The following SGCZ variants were observed in gnomAD, a reference collection of about 807,000 sequenced individuals.
SGCZ encodes sarcoglycan zeta, also known as zeta-sarcoglycan.
A neutral mutation model predicts 41.3 loss-of-function variants in SGCZ; 40 were observed. That is an observed-to-expected ratio of 0.97 (90% CI 0.75 to 1.26). SGCZ has a LOEUF of 1.26. Among genes scored for constraint, SGCZ ranks in the 50% most tolerant of loss-of-function variants. The pLI, the probability that SGCZ is intolerant of heterozygous loss-of-function variation, is 0.00. For synonymous variants in SGCZ, 206 were observed against 137.5 expected (o/e 1.50, Z -3.49); for missense variants, 552 against 369.8 (o/e 1.49, Z -4.04).
intron 1 of SGCZ, among the ~76,000 whole-genome samples, chr8:15,129,214 T>G (rs1440083507): frequency 6.6e-6 from 1 of 152,098 alleles, no homozygotes; most frequent in African/African-American, 2.4e-5. Context: ...TTGCCGGGAG[T>G]AGTTTTTGTC....
intron 5 of SGCZ, among the ~76,000 whole-genome samples, chr8:14,136,085 A>C (rs578152041): frequency 1.3e-5 from 2 of 152,222 alleles, no homozygotes; most frequent in Non-Finnish European, 2.9e-5. Context: ...TCAACAAACT[A>C]TTAGCAAATA....
At chr8:14,454,046 G>T (rs1168029717) in intron 2 of SGCZ, among the ~76,000 whole-genome samples, 4 of 152,092 alleles carry the variant, frequency 2.6e-5, no homozygotes, top group Admixed American at 2.6e-4. Context: ...TACCCCAAAA[G>T]GATATTGACC....
chr8:14,699,835 C>T (rs1809078877), intron 1 of SGCZ, among the ~76,000 whole-genome samples: 1 of 151,850 alleles, frequency 6.6e-6, no homozygotes, highest in South Asian at 2.1e-4. Context: ...TACATGCAGC[C>T]AACGAATATA....
rs547031767 is a variant in SGCZ at position 14,761,776 on chromosome 8, C to T, written c.40-206850G>A. Among the ~76,000 whole-genome samples, 6 of 152,094 alleles carry T rather than the reference C, an allele frequency of 3.9e-5. No individual in the cohort carries two copies. In the East Asian group the frequency reaches 5.8e-4, roughly 15 times the overall value. On this transcript the variant is annotated intron_variant, in intron 1 of 7. Transcript: ENST00000382080. ...CTGAACTCAAGTGATCCACCCACTTCGGCCTCCAAAACTGCTGGGATTACA... is the reference window on the plus strand; with the variant it reads ...CTGAACTCAAGTGATCCACCCACTTTGGCCTCCAAAACTGCTGGGATTACA...
chr8:14,491,714 A>C (rs1050592623), intron 2 of SGCZ, among the ~76,000 whole-genome samples: 1 of 152,194 alleles, frequency 6.6e-6, no homozygotes, highest in African/African-American at 2.4e-5. Flanking sequence ...TCTTTGTTAC[A>C]CTGTCCAGTA....
At chr8:15,138,630 C>T (rs1423992487) in intron 1 of SGCZ, among the ~76,000 whole-genome samples, 9 of 152,140 alleles carry the variant, frequency 5.9e-5, no homozygotes, top group Admixed American at 2.0e-4. Flanking sequence ...CCCTTGATTG[C>T]ACTCATTCTC....
At chr8:15,043,887 C>T (rs901404101) in intron 1 of SGCZ, among the ~76,000 whole-genome samples, 3 of 152,030 alleles carry the variant, frequency 2.0e-5, no homozygotes, top group Non-Finnish European at 4.4e-5. Context: ...GAAAACCAAA[C>T]ATACTATTAT....
chr8:14,958,919 T>C (rs759572047), intron 1 of SGCZ, among the ~76,000 whole-genome samples: 3 of 152,124 alleles, frequency 2.0e-5, no homozygotes, highest in Non-Finnish European at 2.9e-5. Flanking sequence ...GAATCTGTGT[T>C]TGATAGACAG....
At chr8:14,151,789 T>A (rs947634672) in intron 5 of SGCZ, among the ~76,000 whole-genome samples, 3 of 152,016 alleles carry the variant, frequency 2.0e-5, no homozygotes, top group African/African-American at 7.2e-5. Flanking sequence ...AATAGAGAAG[T>A]CAGAAATACA....
Position 14,895,069 on chromosome 8 carries a change from A to G in SGCZ, c.40-340143T>C, listed in dbSNP as rs1186581632. On this transcript the variant is annotated intron_variant, in intron 1 of 7. Coordinates refer to ENST00000382080, the MANE Select transcript of SGCZ (RefSeq NM_139167.4). ...GTATTAGGAATAACATGAATGATCT[A>G]TAATTTTGGTTTCAGTTGAAGTTGC... Among the ~76,000 whole-genome samples the G allele has an allele frequency of 2.0e-5, 3 of 152,220 alleles. No homozygotes were observed. In the East Asian group the frequency reaches 5.8e-4, roughly 29 times the overall value.
At chr8:14,216,353 T>C (rs1364034581) in intron 4 of SGCZ, among the ~76,000 whole-genome samples, 2 of 152,124 alleles carry the variant, frequency 1.3e-5, no homozygotes, top group Non-Finnish European at 2.9e-5. Context: ...GATGGTATTA[T>C]ATCGTCTCCT....
At chr8:14,581,386 C>A (rs181332600) in intron 1 of SGCZ, among the ~76,000 whole-genome samples, 26 of 152,152 alleles carry the variant, frequency 1.7e-4, no homozygotes, top group Non-Finnish European at 8.8e-5. Context: ...GGAATACAGG[C>A]ATGAGCCATG....
chr8:14,474,602 G>A (rs74958965), intron 2 of SGCZ, among the ~76,000 whole-genome samples: 2,906 of 152,238 alleles, frequency 0.019, 44 homozygotes, highest in East Asian at 0.083. Context: ...AGGTAGCCCT[G>A]TATAAAAAAT....
intron 1 of SGCZ, among the ~76,000 whole-genome samples, chr8:15,087,518 A>G (rs1473715285): frequency 6.6e-6 from 1 of 152,124 alleles, no homozygotes; most frequent in Non-Finnish European, 1.5e-5. Context: ...ATTTCTGCCA[A>G]TAGACAAAAG....
intron 1 of SGCZ, among the ~76,000 whole-genome samples, chr8:14,558,307 G>A (rs981942546): frequency 6.6e-6 from 1 of 152,042 alleles, no homozygotes; most frequent in Non-Finnish European, 1.5e-5. Context: ...GGGCACAGTG[G>A]TTCACACCTG....
chr8:14,337,571 A>T lies in SGCZ; in HGVS notation c.235-13367T>A, dbSNP rs570279642. On this transcript the variant is annotated intron_variant, in intron 2 of 7. Transcript: ENST00000382080. ...AGTGATGACCCAGTTAAGTCAGGTT[A>T]AAATACCAGAATTGCTATGGCAGAT... Among the ~76,000 whole-genome samples, 50 of 152,326 alleles carry T rather than the reference A, an allele frequency of 3.3e-4. No homozygotes were observed. In the Middle Eastern group the frequency reaches 0.01, roughly 31 times the overall value.
Position 14,273,146 on chromosome 8 carries a change from C to T in SGCZ, c.337-35467G>A, listed in dbSNP as rs1417172373. The stretch of plus-strand genomic sequence containing the variant: ...GAGCTTTTCCTCAGTGGCAATAATT[C>T]ATTAAGGCCTTTATTTTAAATGAGT... On this transcript the variant is annotated intron_variant, in intron 3 of 7. Coordinates refer to ENST00000382080, the MANE Select transcript of SGCZ (RefSeq NM_139167.4). Among the ~76,000 whole-genome samples the T allele has an allele frequency of 2.0e-5, 3 of 151,848 alleles. No individual in the cohort carries two copies. In the East Asian group the frequency reaches 5.8e-4, roughly 29 times the overall value.
intron 1 of SGCZ, among the ~76,000 whole-genome samples, chr8:14,933,431 C>CT (rs11443740): frequency 0.65 from 78,025 of 120,342 alleles, 26,380 homozygotes; most frequent in South Asian, 0.72. Flanking sequence ...CTTTTTTTTT[C>CT]TTTTTTTTTT....
At chr8:14,490,607 A>G (rs1257232324) in intron 2 of SGCZ, among the ~76,000 whole-genome samples, 1 of 152,188 alleles carries the variant, frequency 6.6e-6, no homozygotes, top group African/African-American at 2.4e-5. Context: ...AAATTCATAG[A>G]AATAAGTGTT....
Sources: allele counts gnomAD v4.1 joint callset (sites outside exome capture counted in the v4.1 genomes callset), GRCh38; gene constraint gnomAD v4.1.1; transcripts MANE v1.5; gene names NCBI Gene and HGNC (gene_info 2026-07-23, HGNC 2026-07-21).